Variants in E2F1 observed in about 807,000 individuals in gnomAD.
E2F1 encodes transcription factor E2F1.
A neutral mutation model predicts 36.9 loss-of-function variants in E2F1; 7 were observed. The observed-to-expected ratio is 0.19, with a 90% CI of 0.11 to 0.36. E2F1 has a LOEUF of 0.36. E2F1 is among the 10% of genes least tolerant of loss of function. The probability of loss-of-function intolerance (pLI) is 1.00; values close to 1 mark genes in which losing one functional copy is unlikely to be tolerated. For missense variants in E2F1, 406 were observed against 573.6 expected (o/e 0.71, Z 2.99); for synonymous variants, 261 against 263.1 (o/e 0.99, Z 0.08).
rs936629693 is a variant in E2F1 at position 33,686,099 on chromosome 20, CGGCGGGCGCCGCGGGGCCGGT to C, written c.145_165del (p.Thr49_Ala55del). 5 of 1,082,474 alleles carry C rather than the reference CGGCGGGCGCCGCGGGGCCGGT, an allele frequency of 4.6e-6. No homozygotes were observed. The highest frequency in any genetic ancestry group is 5.6e-6 in the Non-Finnish European group (5 of 894,730). The allele number at this position is 1,082,474 out of a possible 1,614,324, so 67.1% of individuals were successfully genotyped here. ...AGCAGGTCAGGGTCGCAGGGGCCGGCGGCGGGCGCCGCGGGGCCGGTGGGAGCCGGCGGGGCGCTGGCGTCC... is the reference window on the plus strand; with the variant it reads ...AGCAGGTCAGGGTCGCAGGGGCCGGCGGGAGCCGGCGGGGCGCTGGCGTCC... On this transcript the variant is annotated inframe_deletion, in exon 1 of 7. Coordinates refer to ENST00000343380, the MANE Select transcript of E2F1 (RefSeq NM_005225.3).
rs145231543 is a variant in E2F1, at chr20:33,677,057, C to T, written c.1066+48G>A. On this transcript the variant is annotated intron_variant, in intron 6 of 6. Coordinates refer to ENST00000343380, the MANE Select transcript of E2F1 (RefSeq NM_005225.3). ...CAGGGGCTGTCGTGCCTGCCCACCC[C>T]CCAGAAGAGGGGCCCTGCCCCACCC... The T allele has an allele frequency of 9.0e-4, 1,421 of 1,577,460 alleles. 6 individuals are homozygous for T. In the African/African-American group the frequency reaches 0.016, roughly 18 times the overall value.
chr20:33,683,829 T>C (rs1601188862), intron 1 of E2F1, among the ~76,000 whole-genome samples: 1 of 152,346 alleles, frequency 6.6e-6, no homozygotes, highest in East Asian at 1.9e-4. Flanking sequence ...AAACATGTAT[T>C]ATAGTTATAA....
rs1034595364 is a variant in E2F1 at position 33,685,909 on chromosome 20, G to T, written c.261+95C>A. 6 of 1,022,706 alleles carry T rather than the reference G, an allele frequency of 5.9e-6. No individual in the cohort carries two copies. In the African/African-American group the frequency reaches 8.6e-5, roughly 15 times the overall value. 63.4% of individuals were successfully genotyped at this position (1,022,706 alleles called of 1,614,324 possible). On this transcript the variant is annotated intron_variant, in intron 1 of 6. Coordinates refer to ENST00000343380, the MANE Select transcript of E2F1 (RefSeq NM_005225.3). Reference sequence around the variant, plus strand: ...GGGCGCCTCAGTCAACCCCTCCCCCGCCCCCTGCCGCCTCCAGGCCAAACA... The same window carrying T: ...GGGCGCCTCAGTCAACCCCTCCCCCTCCCCCTGCCGCCTCCAGGCCAAACA...
chr20:33,677,437 C>G lies in E2F1; in HGVS notation c.829G>C (p.Asp277His), dbSNP rs1409977256. ...APPETQLQAV[D>H]SSENFQISLK... ...TTCCCAGATCTCACCTCCGAAGAGT[C>G]CACGGCTTGGAGCTGGGTCTCAGGA... Residue 277 changes from aspartate (D) to histidine (H), a missense_variant, in exon 5 of 7, where the codon GAC becomes CAC. Transcript: ENST00000343380. The G allele has an allele frequency of 6.2e-7, 1 of 1,614,100 alleles. No individual in the cohort carries two copies.
intron 3 of E2F1, 132 bp from the exon 4 acceptor site, chr20:33,678,485 G>T: frequency 1.7e-6 from 2 of 1,190,050 alleles, no homozygotes; most frequent in Non-Finnish European, 2.3e-6. Flanking sequence ...TTCTGTCTGG[G>T]TCTGGCTCCT....
At chr20:33,680,239 C>T (rs1363083048) in intron 2 of E2F1, 87 bp downstream of exon 2, 39 of 1,423,560 alleles carry the variant, frequency 2.7e-5, no homozygotes, top group East Asian at 4.6e-5. Context: ...ACAAGCCAGA[C>T]GTTAGCTTGC....
rs1482052836 is a variant in E2F1, at chr20:33,676,945, A to G, written c.1101T>C (p.Ala367=). 1 of 1,563,460 alleles carries G rather than the reference A, an allele frequency of 6.4e-7. No homozygotes were observed. Among genetic ancestry groups the G allele is most frequent in the Admixed American group, 1.9e-5 (1 of 53,548 alleles). Residue 367 remains alanine (A), a synonymous_variant, in exon 7 of 7, where the codon GCT becomes GCC. Coordinates refer to ENST00000343380, the MANE Select transcript of E2F1 (RefSeq NM_005225.3). ...GGGACAGGCGGTCCTCGTCCACGGG[A>G]GCCCGCAGGCTGCCCATCCGGGACA... ...PLLSRMGSLR[A]PVDEDRLSPL...
chr20:33,678,213 G>T lies in E2F1; in HGVS notation c.713C>A (p.Thr238Asn), dbSNP rs1217897911. 1 of 1,612,622 alleles carries T rather than the reference G, an allele frequency of 6.2e-7. No homozygotes were observed. Among genetic ancestry groups the T allele is most frequent in the Non-Finnish European group, 8.5e-7 (1 of 1,179,032 alleles). The change falls in exon 4 of 7, where the codon ACT (threonine) becomes AAT (asparagine). Residue 238 changes from threonine (T) to asparagine (N), a missense_variant. Physicochemically the swap from Thr to Asn is moderately conservative, Grantham distance 65 (BLOSUM62 0). This residue lies in a region of E2F1 where 93 missense variants were observed against 143.3 expected (regional missense o/e 0.65). Transcript: ENST00000343380. Reference protein sequence around the residue: ...TTQLRLLSEDTDSQRLAYVTC... With the variant: ...TTQLRLLSEDNDSQRLAYVTC... ...AATCCAAGGATATCGCTGGCTGTCA[G>T]TGTCCTCGGAGAGCAGGCGCAGCTG...
In E2F1 at chr20:33,677,267, TCTC is replaced by T; in HGVS notation, c.901_903del (p.Glu301del). On this transcript the variant is annotated inframe_deletion, in exon 6 of 7. Coordinates refer to ENST00000343380, the MANE Select transcript of E2F1 (RefSeq NM_005225.3). Reference sequence around the variant, plus strand: ...TTCCCAGGGCTGATCCCACCTACGGTCTCCTCAGGGCACAGGAAAACATCGATC... The same window carrying T: ...TTCCCAGGGCTGATCCCACCTACGGTCTCAGGGCACAGGAAAACATCGATC... The T allele has an allele frequency of 6.2e-7, 1 of 1,613,842 alleles. No individual in the cohort carries two copies. The highest frequency in any genetic ancestry group is 8.5e-7 in the Non-Finnish European group (1 of 1,179,932).
At chr20:33,681,918 T>C (rs2018021708) in intron 1 of E2F1, among the ~76,000 whole-genome samples, 1 of 152,196 alleles carries the variant, frequency 6.6e-6, no homozygotes, top group East Asian at 1.9e-4. Flanking sequence ...TACTCTCATC[T>C]GCCACTGCTT....
intron 1 of E2F1, among the ~76,000 whole-genome samples, 157 bp from the exon 2 acceptor site, chr20:33,680,573 T>C (rs550580184): frequency 3.1e-4 from 47 of 152,204 alleles, no homozygotes; most frequent in African/African-American, 9.9e-4. Flanking sequence ...AGCCTGAGAG[T>C]CACAGTCCTA....
chr20:33,679,661 A>G lies in E2F1; in HGVS notation c.572+94T>C, dbSNP rs1227136644. 28 of 1,141,788 alleles carry G rather than the reference A, an allele frequency of 2.5e-5. No homozygotes were observed. The highest frequency in any genetic ancestry group is 3.6e-5 in the Non-Finnish European group (27 of 755,714). The allele number at this position is 1,141,788 out of a possible 1,614,324, so 70.7% of individuals were successfully genotyped here. On this transcript the variant is annotated intron_variant, in intron 3 of 6. Coordinates refer to ENST00000343380, the MANE Select transcript of E2F1 (RefSeq NM_005225.3). The surrounding 1 kb of genome is among the most constrained non-coding windows in gnomAD (Gnocchi z 4.6). ...CTGAGCCCGTTTCCCCAGCTATAAG[A>G]TGGGGATGCAGGCAGCCACAGTGGG... is the stretch of plus-strand genomic sequence containing the variant.
In E2F1 at chr20:33,677,195, C is replaced by G. The variant is rs2017972938; in HGVS notation, c.976G>C (p.Asp326His). Residue 326 changes from aspartate (D) to histidine (H), a missense_variant, in exon 6 of 7, where the codon GAC (aspartate) becomes CAC (histidine). This residue lies in a region of E2F1 where 163 missense variants were observed against 181.5 expected (regional missense o/e 0.90). Coordinates refer to ENST00000343380, the MANE Select transcript of E2F1 (RefSeq NM_005225.3). ...GGTGGTGACACTATGGTGGCAGAGT[C>G]AGTGGCCCTGTTCTCCTCCTCAGAA... The part of the protein sequence containing the change: ...VTSEEENRAT[D>H]SATIVSPPPS... The G allele has an allele frequency of 6.2e-7, 1 of 1,614,170 alleles. No homozygotes were observed. The highest frequency in any genetic ancestry group is 8.5e-7 in the Non-Finnish European group (1 of 1,180,012).
rs1207178575 is a variant in E2F1, at chr20:33,676,996, C to G, written c.1067-17G>C. On this transcript the variant is annotated splice_polypyrimidine_tract_variant and intron_variant, in intron 6 of 6. Coordinates refer to ENST00000343380, the MANE Select transcript of E2F1 (RefSeq NM_005225.3). ...ACAGCGGTTCTGGGGAGACGGGGAG[C>G]ATCACAGGCCGGGGATGCCCCAGCA... 2.6e-6 allele frequency: 4 copies of G among 1,557,292 alleles called. No individual in the cohort carries two copies. Among genetic ancestry groups the G allele is most frequent in the Middle Eastern group, 1.7e-4 (1 of 5,828 alleles).
intron 1 of E2F1, among the ~76,000 whole-genome samples, chr20:33,683,581 T>C (rs1568910577): frequency 6.6e-6 from 1 of 151,552 alleles, no homozygotes; most frequent in African/African-American, 2.4e-5. Context: ...AAGACCAGCC[T>C]GGGCAACATG....
At position 33,679,623 on chromosome 20, in the gene E2F1, C is replaced by T; in HGVS notation, c.572+132G>A. On this transcript the variant is annotated intron_variant, in intron 3 of 6. Coordinates refer to ENST00000343380, the MANE Select transcript of E2F1 (RefSeq NM_005225.3). This position sits in a 1 kb window ranked among gnomAD's most constrained non-coding sequence, Gnocchi z 4.6. ...TTTACCATCTATCATCTCAGGGAAG[C>T]TACCTCTCCTCTCTGAGCCCGTTTC... is the stretch of plus-strand genomic sequence containing the variant. The T allele has an allele frequency of 2.6e-6, 2 of 775,262 alleles. No individual in the cohort carries two copies. Among genetic ancestry groups the T allele is most frequent in the Non-Finnish European group, 4.5e-6 (2 of 448,574 alleles). 48.0% of individuals were successfully genotyped at this position (775,262 alleles called of 1,614,324 possible).
At chr20:33,681,022 TTTG>T (rs1380622873) in intron 1 of E2F1, among the ~76,000 whole-genome samples, 4 of 152,118 alleles carry the variant, frequency 2.6e-5, no homozygotes, top group African/African-American at 9.7e-5. Context: ...ATAATAAATG[TTTG>T]TTGTTTTAAG....
intron 1 of E2F1, among the ~76,000 whole-genome samples, chr20:33,685,199 C>A (rs1966852901): frequency 6.6e-6 from 1 of 152,186 alleles, no homozygotes; most frequent in South Asian, 2.1e-4. Context: ...AGTCCTTCTA[C>A]AGAGACTCAG....
intron 1 of E2F1, among the ~76,000 whole-genome samples, chr20:33,680,961 C>A (rs2018011430): frequency 6.6e-6 from 1 of 152,206 alleles, no homozygotes; most frequent in African/African-American, 2.4e-5. Context: ...CCAGAGACCC[C>A]AAGCCAGAGC....
Sources: allele counts gnomAD v4.1 joint callset (sites outside exome capture counted in the v4.1 genomes callset), GRCh38; gene constraint gnomAD v4.1.1; regional missense constraint gnomAD v4.1.1; non-coding constraint Gnocchi (gnomAD v3.1); transcripts MANE v1.5; gene names NCBI Gene and HGNC (gene_info 2026-07-23, HGNC 2026-07-21).